RAB6B: variants seen among roughly 807,000 people sequenced by gnomAD.
RAB6B encodes ras-related protein Rab-6B.
Under a neutral mutation model 31.2 loss-of-function variants are expected in RAB6B, and 7 were observed. The observed-to-expected ratio is 0.22, with a 90% CI of 0.13 to 0.42. The LOEUF is 0.42. RAB6B is among the 10% of genes least tolerant of loss of function. The pLI, the probability that RAB6B is intolerant of heterozygous loss-of-function variation, is 1.00. For synonymous variants in RAB6B, 105 were observed against 104.9 expected (o/e 1.00, Z -0.01); for missense variants, 149 against 280.6 (o/e 0.53, Z 3.35).
chr3:133,835,569 T>A (rs1935722997), intron 6 of RAB6B, among the ~76,000 whole-genome samples: 1 of 151,710 alleles, frequency 6.6e-6, no homozygotes, highest in South Asian at 2.1e-4. Context: ...AGAGATGGAA[T>A]CTTGGAGGTG....
chr3:133,836,841 G>C (rs1324499509), intron 6 of RAB6B, among the ~76,000 whole-genome samples: 1 of 152,154 alleles, frequency 6.6e-6, no homozygotes, highest in African/African-American at 2.4e-5. Context: ...ACTGAGTCCT[G>C]GAGCTTTGGG....
rs1935549690 is a variant in RAB6B, at chr3:133,825,684, A to C, written c.*3104T>G. 1 of 152,164 alleles carries C rather than the reference A, an allele frequency of 6.6e-6. No individual in the cohort carries two copies. The highest frequency in any genetic ancestry group is 1.9e-4 in the East Asian group (1 of 5,196). The allele number at this position is 152,164 out of a possible 1,614,324, so 9.4% of individuals were successfully genotyped here. On this transcript the variant is annotated 3_prime_UTR_variant, in exon 8 of 8. Transcript: ENST00000285208. ...ATAGGCTGTTTGCTTTTTCCATCTT[A>C]CACTCAACTTTCCTGATGCCTGCAG...
At chr3:133,860,178 C>T (rs1936139894) in intron 2 of RAB6B, among the ~76,000 whole-genome samples, 2 of 152,198 alleles carry the variant, frequency 1.3e-5, no homozygotes, top group Non-Finnish European at 2.9e-5. Context: ...AATTCATGCC[C>T]ACTTGGAACT....
chr3:133,882,774 G>A (rs1936486414), intron 1 of RAB6B, among the ~76,000 whole-genome samples: 1 of 152,248 alleles, frequency 6.6e-6, no homozygotes, highest in East Asian at 1.9e-4. Flanking sequence ...AGGCAGGAGA[G>A]GAGCTGAGTT....
rs1262888045 is a variant in RAB6B, at chr3:133,895,658, A to AGGAGGAGAGAGAGGCGGAGGC, written c.-213_-193dup. 5.8e-5 allele frequency: 35 copies of AGGAGGAGAGAGAGGCGGAGGC among 606,194 alleles called. No individual in the cohort carries two copies. Among genetic ancestry groups the AGGAGGAGAGAGAGGCGGAGGC allele is most frequent in the Non-Finnish European group, 9.5e-5 (33 of 346,378 alleles). The allele number at this position is 606,194 out of a possible 1,614,324, so 37.6% of individuals were successfully genotyped here. A position where few individuals can be genotyped will look rare whatever the true frequency, so the allele number is the denominator to read the frequency against. On this transcript the variant is annotated 5_prime_UTR_variant, in exon 1 of 8. Coordinates refer to ENST00000285208, the MANE Select transcript of RAB6B (RefSeq NM_016577.4). ...GCTGCGTGTCCGGCGGCGGAGGAGG[A>AGGAGGAGAGAGAGGCGGAGGC]GGAGGAGAGAGAGGCGGAGGCGGAG...
At chr3:133,844,578 A>C (rs1935881396) in intron 2 of RAB6B, among the ~76,000 whole-genome samples, 1 of 152,236 alleles carries the variant, frequency 6.6e-6, no homozygotes, top group Admixed American at 6.5e-5. Context: ...ACCCTCCAAC[A>C]GAAAACTATT....
intron 1 of RAB6B, among the ~76,000 whole-genome samples, chr3:133,871,787 C>T (rs561704735): frequency 6.6e-6 from 1 of 152,360 alleles, no homozygotes; most frequent in East Asian, 1.9e-4. Flanking sequence ...GAAGGTGTAC[C>T]ACCCACTAGC....
chr3:133,888,995 C>A (rs528364331), intron 1 of RAB6B, among the ~76,000 whole-genome samples: 1 of 152,292 alleles, frequency 6.6e-6, no homozygotes, highest in South Asian at 2.1e-4. Flanking sequence ...GGCTTCTCTT[C>A]CCTGTGGTGA....
intron 1 of RAB6B, among the ~76,000 whole-genome samples, chr3:133,883,572 C>G (rs906344777): frequency 2.7e-5 from 4 of 148,742 alleles, no homozygotes; most frequent in Non-Finnish European, 6.0e-5. Context: ...TCGGTCTCAG[C>G]ACTTCTATGG....
At chr3:133,864,927 C>T (rs1167869965) in intron 1 of RAB6B, among the ~76,000 whole-genome samples, 2 of 152,212 alleles carry the variant, frequency 1.3e-5, no homozygotes, top group African/African-American at 2.4e-5. Context: ...TCCAGGTCTT[C>T]CTTGACCCAG....
At chr3:133,864,166 G>A (rs1443233388) in intron 2 of RAB6B, among the ~76,000 whole-genome samples, 1 of 150,510 alleles carries the variant, frequency 6.6e-6, no homozygotes, top group Non-Finnish European at 1.5e-5. Flanking sequence ...GCGTGTGTGG[G>A]GGGGGGCGGG....
intron 1 of RAB6B, among the ~76,000 whole-genome samples, chr3:133,889,664 G>A (rs1441878872): frequency 6.6e-6 from 1 of 151,832 alleles, no homozygotes; most frequent in Non-Finnish European, 1.5e-5. Context: ...TCGAACTCCT[G>A]ACCTCAAGTG....
At position 133,826,729 on chromosome 3, in the gene RAB6B, C is replaced by G. The variant is rs1004607943; in HGVS notation, c.*2059G>C. 4 of 152,604 alleles carry G rather than the reference C, an allele frequency of 2.6e-5. No homozygotes were observed. Among genetic ancestry groups the G allele is most frequent in the African/African-American group, 9.6e-5 (4 of 41,454 alleles). The allele number at this position is 152,604 out of a possible 1,614,324, so 9.5% of individuals were successfully genotyped here. A position where few individuals can be genotyped will look rare whatever the true frequency, so the allele number is the denominator to read the frequency against. On this transcript the variant is annotated 3_prime_UTR_variant, in exon 8 of 8. Transcript: ENST00000285208. ...TTGCCTGTAGTTTAACACAACTATG[C>G]ATTATTTTATTGATGGCAAGACAAT...
chr3:133,852,830 T>C (rs933434486), intron 2 of RAB6B, among the ~76,000 whole-genome samples: 1 of 152,148 alleles, frequency 6.6e-6, no homozygotes, highest in Non-Finnish European at 1.5e-5. Context: ...CGTGACCTTG[T>C]TCAAGTGTTA....
intron 1 of RAB6B, among the ~76,000 whole-genome samples, chr3:133,870,649 G>C (rs1369622274): frequency 6.6e-6 from 1 of 152,206 alleles, no homozygotes; most frequent in Non-Finnish European, 1.5e-5. Context: ...CAGACACCAA[G>C]CAATCACCTT....
intron 1 of RAB6B, among the ~76,000 whole-genome samples, chr3:133,865,573 T>G (rs1482593781): frequency 6.6e-6 from 1 of 152,238 alleles, no homozygotes; most frequent in Non-Finnish European, 1.5e-5. Flanking sequence ...CTATCATGTC[T>G]CTGCCATGAC....
chr3:133,854,724 C>G (rs1576399640), intron 2 of RAB6B, among the ~76,000 whole-genome samples: 3 of 152,306 alleles, frequency 2.0e-5, no homozygotes, highest in Admixed American at 2.0e-4. Context: ...ACAGTATCTA[C>G]AGGGGTTCAG....
intron 2 of RAB6B, among the ~76,000 whole-genome samples, chr3:133,850,723 G>A (rs1417931161): frequency 6.6e-6 from 1 of 151,946 alleles, no homozygotes; most frequent in Non-Finnish European, 1.5e-5. Flanking sequence ...TGGAGAATTG[G>A]ACAAAAAAAC....
chr3:133,864,539 C>A, intron 2 of RAB6B, 45 bp downstream of exon 2: 1 of 1,585,758 alleles, frequency 6.3e-7, no homozygotes, highest in South Asian at 1.1e-5. Flanking sequence ...AAAGAGAGGT[C>A]AGCCACTGCC....
Sources: allele counts gnomAD v4.1 joint callset (sites outside exome capture counted in the v4.1 genomes callset), GRCh38; gene constraint gnomAD v4.1.1; transcripts MANE v1.5; gene names NCBI Gene and HGNC (gene_info 2026-07-23, HGNC 2026-07-21).